The following FBXO42 variants were observed in gnomAD, a reference collection of about 807,000 sequenced individuals.
The protein encoded by FBXO42 is F-box only protein 42.
In FBXO42, 12 loss-of-function variants were observed where a neutral mutation model predicts 71.7. The observed-to-expected ratio is 0.17, with a 90% CI of 0.11 to 0.27. The LOEUF (loss-of-function observed/expected upper bound fraction) is 0.27, where lower values mean the gene tolerates loss of function less well. FBXO42 is among the 10% of genes least tolerant of loss of function. FBXO42 has a pLI of 1.00. For missense variants in FBXO42, 707 were observed against 911.9 expected (o/e 0.78, Z 2.89); for synonymous variants, 325 against 327.5 (o/e 0.99, Z 0.08).
chr1:16,338,491 C>G (rs1432555909), intron 1 of FBXO42, among the ~76,000 whole-genome samples: 1 of 152,068 alleles, frequency 6.6e-6, no homozygotes, highest in Non-Finnish European at 1.5e-5. Context: ...TGATGCTGGG[C>G]ATTGTCATCC....
At chr1:16,263,373 G>A (rs951907265) in intron 4 of FBXO42, among the ~76,000 whole-genome samples, 1 of 151,950 alleles carries the variant, frequency 6.6e-6, no homozygotes, top group Non-Finnish European at 1.5e-5. Context: ...GCGTGAACCC[G>A]CCAAGCTTGC....
At chr1:16,265,193 A>G (rs1039355636) in intron 4 of FBXO42, among the ~76,000 whole-genome samples, 1 of 152,162 alleles carries the variant, frequency 6.6e-6, no homozygotes, top group African/African-American at 2.4e-5. Flanking sequence ...TCCCAGTTTC[A>G]ACGGATTCTC....
Position 16,249,916 on chromosome 1 carries a change from AAT to A in FBXO42, c.*752_*753del, listed in dbSNP as rs1328506530. ...TATGTTTTTTGGCAACTTGCCACCAAATATGATTGATTGTCAGAAATTTCCAC... is the reference window on the plus strand; with the variant it reads ...TATGTTTTTTGGCAACTTGCCACCAAATGATTGATTGTCAGAAATTTCCAC... On this transcript the variant is annotated 3_prime_UTR_variant, in exon 10 of 10. Coordinates refer to ENST00000375592, the MANE Select transcript of FBXO42 (RefSeq NM_018994.3). The A allele has an allele frequency of 6.6e-6, 1 of 152,180 alleles. No individual in the cohort carries two copies. The highest frequency in any genetic ancestry group is 2.4e-5 in the African/African-American group (1 of 41,468). 9.4% of individuals were successfully genotyped at this position (152,180 alleles called of 1,614,324 possible). A position where few individuals can be genotyped will look rare whatever the true frequency, so the allele number is the denominator to read the frequency against.
chr1:16,344,486 C>CTTTTTTTTTTTT (rs59077549), intron 1 of FBXO42, among the ~76,000 whole-genome samples: 30 of 87,158 alleles, frequency 3.4e-4, no homozygotes, highest in African/African-American at 1.3e-3. Flanking sequence ...ACCCAGCTAA[C>CTTTTTTTTTTTT]TTTTTTTTTT....
intron 3 of FBXO42, among the ~76,000 whole-genome samples, chr1:16,296,504 G>A (rs2082131609): frequency 6.6e-6 from 1 of 151,898 alleles, no homozygotes; most frequent in Admixed American, 6.6e-5. Context: ...AAAAAAATTA[G>A]CCAGGCGTGG....
In FBXO42 at chr1:16,247,233, C is replaced by T. The variant is rs779190604; in HGVS notation, c.*3437G>A. The T allele has an allele frequency of 1.3e-5, 2 of 152,232 alleles. No individual in the cohort carries two copies. The highest frequency in any genetic ancestry group is 1.9e-4 in the East Asian group (1 of 5,196). 9.4% of individuals were successfully genotyped at this position (152,232 alleles called of 1,614,324 possible). A position where few individuals can be genotyped will look rare whatever the true frequency, so the allele number is the denominator to read the frequency against. On this transcript the variant is annotated 3_prime_UTR_variant, in exon 10 of 10. Coordinates refer to ENST00000375592, the MANE Select transcript of FBXO42 (RefSeq NM_018994.3). ...CAGTTCATGGAGAGGCTACATGGGA[C>T]GCAGGCCTGGAAATTCAGCTTCCTC... is the stretch of plus-strand genomic sequence containing the variant.
intron 4 of FBXO42, among the ~76,000 whole-genome samples, chr1:16,262,732 C>G (rs2081727703): frequency 6.6e-6 from 1 of 152,140 alleles, no homozygotes; most frequent in Non-Finnish European, 1.5e-5. Context: ...GGGTCTCACT[C>G]CGGTTGCCCA....
intron 4 of FBXO42, among the ~76,000 whole-genome samples, chr1:16,284,632 C>T (rs1304520220): frequency 6.6e-6 from 1 of 151,852 alleles, no homozygotes; most frequent in African/African-American, 2.4e-5. Context: ...GAGTTCAAGA[C>T]CAGCCTGGCC....
At chr1:16,315,142 A>C (rs770425025) in intron 2 of FBXO42, 27 bp downstream of exon 2, 46 of 1,564,200 alleles carry the variant, frequency 2.9e-5, no homozygotes, top group Non-Finnish European at 2.3e-5. Context: ...GAAATCAATA[A>C]ATAAACCTTT....
chr1:16,286,326 G>A (rs1487904602), intron 4 of FBXO42, among the ~76,000 whole-genome samples: 3 of 152,124 alleles, frequency 2.0e-5, no homozygotes, highest in Middle Eastern at 3.2e-3. Flanking sequence ...TCACAGTTCC[G>A]CATTGCTGGG....
intron 5 of FBXO42, among the ~76,000 whole-genome samples, chr1:16,256,032 G>GA (rs2100433390): frequency 6.6e-6 from 1 of 152,296 alleles, no homozygotes; most frequent in South Asian, 2.1e-4. Flanking sequence ...AAACGGTCTG[G>GA]AGGGAGAGAG....
intron 1 of FBXO42, among the ~76,000 whole-genome samples, chr1:16,331,887 C>T (rs1156671487): frequency 1.3e-5 from 2 of 151,480 alleles, no homozygotes; most frequent in African/African-American, 4.9e-5. Flanking sequence ...CCTGTCTCTA[C>T]TAAAAATACA....
chr1:16,264,006 T>G (rs1446421756), intron 4 of FBXO42, among the ~76,000 whole-genome samples: 2 of 151,944 alleles, frequency 1.3e-5, no homozygotes, highest in Non-Finnish European at 2.9e-5. Flanking sequence ...AGACGAGGTT[T>G]CACCATGTTG....
intron 2 of FBXO42, among the ~76,000 whole-genome samples, chr1:16,311,242 C>T (rs12184257): frequency 0.27 from 39,048 of 147,112 alleles, 6,061 homozygotes; most frequent in Non-Finnish European, 0.36. Context: ...TTTAGCAGGC[C>T]CAGGTGGTAA....
Position 16,251,322 on chromosome 1 carries a change from T to C in FBXO42, c.1502A>G (p.Asp501Gly), listed in dbSNP as rs763722354. 6.2e-7 allele frequency: 1 copy of C among 1,614,200 alleles called. No homozygotes were observed. Among genetic ancestry groups the C allele is most frequent in the South Asian group, 1.1e-5 (1 of 91,076 alleles). Reference protein sequence around the residue: ...DQKDLRLGSIDLNWDLKPASS... With the variant: ...DQKDLRLGSIGLNWDLKPASS... The stretch of plus-strand genomic sequence containing the variant: ...AGCGGGTTTCAGATCCCAATTCAGA[T>C]CTATGGATCCTAATCTCAGATCTTT... Residue 501 changes from aspartate (D) to glycine (G), a missense_variant, in exon 10 of 10, where the codon GAT becomes GGT. By Grantham distance (94) the Asp-to-Gly change is moderately conservative. This residue lies in a region of FBXO42 where 482 missense variants were observed against 587.1 expected (regional missense o/e 0.82). Transcript: ENST00000375592. The surrounding 1 kb of genome is among the most constrained non-coding windows in gnomAD (Gnocchi z 4.5).
At chr1:16,266,052 G>A (rs539009987) in intron 4 of FBXO42, among the ~76,000 whole-genome samples, 1 of 152,070 alleles carries the variant, frequency 6.6e-6, no homozygotes, top group Non-Finnish European at 1.5e-5. Flanking sequence ...ATTTCCTTAA[G>A]AAAATGAAAG....
intron 1 of FBXO42, among the ~76,000 whole-genome samples, chr1:16,325,690 T>C (rs1317484747): frequency 1.3e-5 from 2 of 152,128 alleles, no homozygotes; most frequent in Non-Finnish European, 2.9e-5. Flanking sequence ...AGAGTCTGGC[T>C]TTGTCACCTA....
intron 4 of FBXO42, among the ~76,000 whole-genome samples, chr1:16,268,792 C>T (rs893504842): frequency 7.9e-5 from 12 of 152,052 alleles, no homozygotes; most frequent in Non-Finnish European, 1.2e-4. Flanking sequence ...GGAGAAACCC[C>T]GTCTCTACTA....
chr1:16,252,985 A>G lies in FBXO42; in HGVS notation c.921+111T>C, dbSNP rs1418020657. ...GCTATACCCAAAAAGCATTCCTTAAATTAAAATGCCATGGAAATAGTCTTG... is the reference window on the plus strand; with the variant it reads ...GCTATACCCAAAAAGCATTCCTTAAGTTAAAATGCCATGGAAATAGTCTTG... On this transcript the variant is annotated intron_variant, in intron 8 of 9. Transcript: ENST00000375592. This position sits in a 1 kb window ranked among gnomAD's most constrained non-coding sequence, Gnocchi z 4.4. 5 of 935,690 alleles carry G rather than the reference A, an allele frequency of 5.3e-6. No homozygotes were observed. The highest frequency in any genetic ancestry group is 7.9e-6 in the Non-Finnish European group (5 of 635,440). 58.0% of individuals were successfully genotyped at this position (935,690 alleles called of 1,614,324 possible). A position where few individuals can be genotyped will look rare whatever the true frequency, so the allele number is the denominator to read the frequency against.
Sources: gnomAD v4.1 joint callset for allele counts (sites outside exome capture counted in the v4.1 genomes callset) on GRCh38, gnomAD v4.1.1 for gene constraint, gnomAD v4.1.1 regional missense constraint, Gnocchi (gnomAD v3.1) non-coding constraint, MANE v1.5 for transcripts, NCBI Gene and HGNC (gene_info 2026-07-23, HGNC 2026-07-21) for gene names.